Variants in ZNF407 observed in about 807,000 individuals in gnomAD.
ZNF407 encodes zinc finger protein 407.
ZNF407 carries 17 observed loss-of-function variants against 131.2 expected under a neutral mutation model. The observed-to-expected ratio is 0.13, with a 90% CI of 0.09 to 0.19. ZNF407 has a LOEUF of 0.19. Among genes scored for constraint, ZNF407 ranks in the 10% least tolerant of loss-of-function variants. ZNF407 has a pLI of 1.00. For synonymous variants in ZNF407, 1,156 were observed against 1,062.0 expected (o/e 1.09, Z -1.72); for missense variants, 2,681 against 2,830.6 (o/e 0.95, Z 1.20).
At chr18:74,990,970 G>A (rs1175180316) in intron 8 of ZNF407, among the ~76,000 whole-genome samples, 1 of 151,854 alleles carries the variant, frequency 6.6e-6, no homozygotes, top group Non-Finnish European at 1.5e-5. Context: ...AGGGGGTGCT[G>A]AGCTGCCATT....
At chr18:74,675,903 T>A (rs948094257) in intron 3 of ZNF407, among the ~76,000 whole-genome samples, 1 of 152,208 alleles carries the variant, frequency 6.6e-6, no homozygotes, top group Non-Finnish European at 1.5e-5. Flanking sequence ...AAGCCTTCAT[T>A]GTTGTTGTTT....
intron 8 of ZNF407, among the ~76,000 whole-genome samples, chr18:74,979,184 A>G (rs1972560425): frequency 6.6e-6 from 1 of 152,286 alleles, no homozygotes; most frequent in Middle Eastern, 3.4e-3. Context: ...ACACCTCTGT[A>G]GAGTCTACTT....
intron 8 of ZNF407, among the ~76,000 whole-genome samples, chr18:74,980,729 T>G (rs1341948744): frequency 6.6e-6 from 1 of 152,172 alleles, no homozygotes; most frequent in Admixed American, 6.5e-5. Flanking sequence ...GTGACATGAT[T>G]TTTTTACATA....
chr18:74,961,146 A>C (rs777588871), intron 8 of ZNF407, among the ~76,000 whole-genome samples: 1 of 152,198 alleles, frequency 6.6e-6, no homozygotes, highest in African/African-American at 2.4e-5. Context: ...TCTCTAGTTT[A>C]TAGCCTCTTT....
intron 4 of ZNF407, among the ~76,000 whole-genome samples, chr18:74,837,881 T>G (rs546987485): frequency 3.5e-4 from 53 of 152,318 alleles, no homozygotes; most frequent in African/African-American, 1.3e-3. Flanking sequence ...CTTGAACTCC[T>G]GAGCTCAAGC....
At chr18:74,907,792 G>A (rs1465388950) in intron 7 of ZNF407, among the ~76,000 whole-genome samples, 1 of 152,148 alleles carries the variant, frequency 6.6e-6, no homozygotes, top group Non-Finnish European at 1.5e-5. Flanking sequence ...ACTTTCAAGG[G>A]TGTGTGTATA....
chr18:74,900,091 C>T lies in ZNF407; in HGVS notation c.5249+10053C>T, dbSNP rs1033708095. 6.6e-5 allele frequency among the ~76,000 whole-genome samples: 10 copies of T among 152,270 alleles called. No homozygotes were observed. The South Asian group carries it at 1.5e-3, about 22-fold the overall frequency. On this transcript the variant is annotated intron_variant, in intron 7 of 8. Transcript: ENST00000299687. ...TTTATGTGCCAAATGTTTAAATGTC[C>T]ATTGAAACCGTGAGGCTGAAAACTG...
At chr18:74,930,615 G>A (rs557346175) in intron 8 of ZNF407, among the ~76,000 whole-genome samples, 80 of 152,120 alleles carry the variant, frequency 5.3e-4, no homozygotes, top group Non-Finnish European at 1.0e-3. Flanking sequence ...TTCTTTCCCA[G>A]TTCTTCATTC....
chr18:75,032,139 T>A (rs922854195), intron 8 of ZNF407, among the ~76,000 whole-genome samples: 7 of 152,150 alleles, frequency 4.6e-5, no homozygotes, highest in Non-Finnish European at 8.8e-5. Context: ...AGGGGTTGGT[T>A]TTCTTCTGGT....
At chr18:74,881,167 A>G (rs1971233064) in intron 6 of ZNF407, 48 bp downstream of exon 6, 4 of 1,481,134 alleles carry the variant, frequency 2.7e-6, no homozygotes, top group African/African-American at 1.4e-5. Flanking sequence ...GAGGACGGCA[A>G]GACACCCCAG....
At chr18:74,906,271 A>C in intron 7 of ZNF407, among the ~76,000 whole-genome samples, 1 of 152,164 alleles carries the variant, frequency 6.6e-6, no homozygotes, top group East Asian at 1.9e-4. Flanking sequence ...TGTTTTGATT[A>C]TAGTATTCCT....
chr18:74,657,800 C>T (rs748743409), intron 3 of ZNF407, among the ~76,000 whole-genome samples: 4 of 152,130 alleles, frequency 2.6e-5, no homozygotes, highest in African/African-American at 9.7e-5. Context: ...CTGCTGCTTG[C>T]GTGACCACGA....
At chr18:74,779,262 C>T (rs1415052159) in intron 3 of ZNF407, among the ~76,000 whole-genome samples, 1 of 150,334 alleles carries the variant, frequency 6.7e-6, no homozygotes, top group Admixed American at 6.6e-5. Flanking sequence ...ACTACAGGTG[C>T]CCGCCACCAC....
chr18:74,602,566 T>C (rs1295966027), intron 1 of ZNF407, among the ~76,000 whole-genome samples: 1 of 152,178 alleles, frequency 6.6e-6, no homozygotes, highest in South Asian at 2.1e-4. Flanking sequence ...GGTGCCTCTG[T>C]ACATAATCTC....
intron 3 of ZNF407, among the ~76,000 whole-genome samples, chr18:74,712,729 C>T (rs546355081): frequency 2.0e-5 from 3 of 152,226 alleles, no homozygotes; most frequent in South Asian, 4.2e-4. Flanking sequence ...GCTAGCTGAG[C>T]AGGTTCTGCA....
intron 8 of ZNF407, among the ~76,000 whole-genome samples, chr18:75,036,398 A>G (rs1973308788): frequency 6.6e-6 from 1 of 152,244 alleles, no homozygotes; most frequent in East Asian, 1.9e-4. Context: ...GATGTCTCAC[A>G]GGAGAGAATT....
intron 4 of ZNF407, among the ~76,000 whole-genome samples, chr18:74,875,670 T>G (rs972567744): frequency 6.6e-6 from 1 of 152,150 alleles, no homozygotes; most frequent in East Asian, 1.9e-4. Flanking sequence ...TTTTTTACAG[T>G]GCATATCCAA....
At chr18:74,803,396 G>A (rs1353340841) in intron 4 of ZNF407, among the ~76,000 whole-genome samples, 2 of 152,098 alleles carry the variant, frequency 1.3e-5, no homozygotes, top group African/African-American at 4.8e-5. Context: ...GGGAGACCCT[G>A]GAAACTTCCT....
chr18:74,618,586 T>A (rs1029913423), intron 1 of ZNF407, among the ~76,000 whole-genome samples: 11 of 152,126 alleles, frequency 7.2e-5, no homozygotes, highest in South Asian at 2.1e-4. Context: ...TGGCTTTTTT[T>A]AAAAAACAAA....
Sources: allele counts gnomAD v4.1 joint callset (sites outside exome capture counted in the v4.1 genomes callset), GRCh38; gene constraint gnomAD v4.1.1; transcripts MANE v1.5; gene names NCBI Gene and HGNC (gene_info 2026-07-23, HGNC 2026-07-21).